HECW1: variants seen among roughly 807,000 people sequenced by gnomAD.
HECW1 encodes the protein HECT, C2 and WW domain containing E3 ubiquitin protein ligase 1, also known as E3 ubiquitin-protein ligase HECW1.
A neutral mutation model predicts 182.3 loss-of-function variants in HECW1; 61 were observed. The observed-to-expected ratio is 0.33, with a 90% CI of 0.27 to 0.41. The LOEUF is 0.41. Ranked by LOEUF, HECW1 falls within the 10% of genes least tolerant of loss-of-function variation. The pLI, the probability that HECW1 is intolerant of heterozygous loss-of-function variation, is 1.00. For synonymous variants in HECW1, 859 were observed against 832.6 expected (o/e 1.03, Z -0.55); for missense variants, 1,739 against 2,108.9 (o/e 0.82, Z 3.44).
intron 2 of HECW1, among the ~76,000 whole-genome samples, chr7:43,172,726 A>G (rs1419295446): frequency 1.3e-5 from 2 of 152,224 alleles, no homozygotes; most frequent in Non-Finnish European, 2.9e-5. Flanking sequence ...CAAATGTGAC[A>G]ATTAGAAGTC....
intron 2 of HECW1, among the ~76,000 whole-genome samples, chr7:43,143,248 G>A (rs1338733935): frequency 6.6e-6 from 1 of 152,162 alleles, no homozygotes; most frequent in African/African-American, 2.4e-5. Flanking sequence ...TGAGATTACA[G>A]GGGTGAGCCA....
At chr7:43,343,874 C>G (rs1310157177) in intron 5 of HECW1, among the ~76,000 whole-genome samples, 2 of 151,866 alleles carry the variant, frequency 1.3e-5, no homozygotes, top group African/African-American at 4.9e-5. Context: ...CTCCCACCAA[C>G]AGTGTAAAAG....
At chr7:43,262,999 A>G (rs1428027213) in intron 3 of HECW1, among the ~76,000 whole-genome samples, 1 of 152,236 alleles carries the variant, frequency 6.6e-6, no homozygotes, top group African/African-American at 2.4e-5. Context: ...TGTAATAGTT[A>G]TATTTAAAAG....
intron 8 of HECW1, among the ~76,000 whole-genome samples, chr7:43,421,543 A>G (rs2076183770): frequency 6.6e-6 from 1 of 152,226 alleles, no homozygotes; most frequent in Non-Finnish European, 1.5e-5. Context: ...GTGACAGCTA[A>G]TATCTAGACT....
At position 43,564,465 on chromosome 7, in the gene HECW1, T is replaced by C. The variant is rs570115644; in HGVS notation, c.*2539T>C. 7 of 186,994 alleles carry C rather than the reference T, an allele frequency of 3.7e-5. No individual in the cohort carries two copies. The South Asian group carries it at 1.2e-3, about 31-fold the overall frequency. The allele number at this position is 186,994 out of a possible 1,614,324, so 11.6% of individuals were successfully genotyped here. A position where few individuals can be genotyped will look rare whatever the true frequency, so the allele number is the denominator to read the frequency against. ...AGAAATTATATATAGATAGGTAACT[T>C]TGGCATACATGATTTTTCAACTACC... is the stretch of plus-strand genomic sequence containing the variant. On this transcript the variant is annotated 3_prime_UTR_variant, in exon 30 of 30. Coordinates refer to ENST00000395891, the MANE Select transcript of HECW1 (RefSeq NM_015052.5).
Position 43,243,380 on chromosome 7 carries a change from C to T in HECW1, c.-31-495C>T, listed in dbSNP as rs1799066078. On this transcript the variant is annotated intron_variant, in intron 2 of 29. Transcript: ENST00000395891. The surrounding 1 kb of genome is among the most constrained non-coding windows in gnomAD (Gnocchi z 4.0). The stretch of plus-strand genomic sequence containing the variant: ...TGGAAGGGGATGGCACTTCTTGAGT[C>T]TTTCCCATCTGAGTAAATGCCTGAG... 6.6e-6 allele frequency among the ~76,000 whole-genome samples: 1 copy of T among 152,178 alleles called. No homozygotes were observed. The highest frequency in any genetic ancestry group is 1.5e-5 in the Non-Finnish European group (1 of 68,030).
At chr7:43,233,850 A>T (rs544194450) in intron 2 of HECW1, among the ~76,000 whole-genome samples, 1 of 152,228 alleles carries the variant, frequency 6.6e-6, no homozygotes, top group South Asian at 2.1e-4. Context: ...GGAAGTAGGT[A>T]TAGCAACACA....
intron 3 of HECW1, among the ~76,000 whole-genome samples, chr7:43,257,673 G>A (rs1157468638): frequency 1.3e-5 from 2 of 152,172 alleles, no homozygotes; most frequent in African/African-American, 2.4e-5. Context: ...AAAGCAGTGT[G>A]TTGAGGTGAC....
chr7:43,155,205 T>C (rs1033569902), intron 2 of HECW1, among the ~76,000 whole-genome samples: 1 of 152,266 alleles, frequency 6.6e-6, no homozygotes, highest in African/African-American at 2.4e-5. Flanking sequence ...TTGGAAATTA[T>C]GAAATTGTAC....
At chr7:43,385,158 C>T (rs1448208254) in intron 6 of HECW1, among the ~76,000 whole-genome samples, 1 of 148,730 alleles carries the variant, frequency 6.7e-6, no homozygotes, top group African/African-American at 2.5e-5. Flanking sequence ...CAATCGGTCA[C>T]CAAGTTCTAT....
At chr7:43,406,124 T>C (rs1342600281) in intron 7 of HECW1, among the ~76,000 whole-genome samples, 1 of 152,218 alleles carries the variant, frequency 6.6e-6, no homozygotes, top group Non-Finnish European at 1.5e-5. Context: ...GGGCTGCCTT[T>C]CATTGTCTTG....
intron 2 of HECW1, among the ~76,000 whole-genome samples, chr7:43,191,118 G>C (rs987034768): frequency 6.6e-6 from 1 of 152,042 alleles, no homozygotes; most frequent in Non-Finnish European, 1.5e-5. Flanking sequence ...AAACTGCGGA[G>C]TAGATTAACA....
intron 6 of HECW1, among the ~76,000 whole-genome samples, chr7:43,362,217 A>G (rs557759261): frequency 6.6e-6 from 1 of 152,210 alleles, no homozygotes; most frequent in South Asian, 2.1e-4. Context: ...ACTCCAAAAA[A>G]TATTCCATTT....
At position 43,311,743 on chromosome 7, in the gene HECW1, C is replaced by T; in HGVS notation, c.28-20C>T. ...TGCCGGCGTGCCCTGACCCTGCTCA[C>T]TGTCTCTTTGCTCCCACAGAATCTG... is the stretch of plus-strand genomic sequence containing the variant. On this transcript the variant is annotated intron_variant, in intron 3 of 29. Coordinates refer to ENST00000395891, the MANE Select transcript of HECW1 (RefSeq NM_015052.5). 1 of 1,612,742 alleles carries T rather than the reference C, an allele frequency of 6.2e-7. No individual in the cohort carries two copies. The highest frequency in any genetic ancestry group is 8.5e-7 in the Non-Finnish European group (1 of 1,179,008).
intron 5 of HECW1, among the ~76,000 whole-genome samples, chr7:43,338,187 G>T (rs986525128): frequency 2.6e-4 from 39 of 152,114 alleles, no homozygotes; most frequent in African/African-American, 9.4e-4. Flanking sequence ...TCTTGTCGTT[G>T]GCCTGGGAGA....
At chr7:43,211,299 T>C (rs1430799352) in intron 2 of HECW1, among the ~76,000 whole-genome samples, 1 of 152,190 alleles carries the variant, frequency 6.6e-6, no homozygotes, top group Non-Finnish European at 1.5e-5. Context: ...TTTATGTAAA[T>C]AAAACTGCTT....
intron 16 of HECW1, among the ~76,000 whole-genome samples, chr7:43,471,044 A>G (rs1010583567): frequency 6.6e-6 from 1 of 152,258 alleles, no homozygotes; most frequent in Non-Finnish European, 1.5e-5. Context: ...TCATGATTTT[A>G]CAACCAGATA....
In HECW1 at chr7:43,210,099, G is replaced by A. The variant is rs1015902200; in HGVS notation, c.-31-33776G>A. Reference sequence around the variant, plus strand: ...GGACTGGCAGTTTCCTGGCCTGAGCGGACCCAGCCGTATGTGGGGTGTGAG... The same window carrying A: ...GGACTGGCAGTTTCCTGGCCTGAGCAGACCCAGCCGTATGTGGGGTGTGAG... On this transcript the variant is annotated intron_variant, in intron 2 of 29. Transcript: ENST00000395891. Among the ~76,000 whole-genome samples the A allele has an allele frequency of 5.3e-5, 8 of 152,222 alleles. No individual in the cohort carries two copies. The East Asian group carries it at 7.7e-4, about 15-fold the overall frequency.
At chr7:43,465,830 G>A (rs756894158) in intron 14 of HECW1, among the ~76,000 whole-genome samples, 1 of 151,542 alleles carries the variant, frequency 6.6e-6, no homozygotes, top group Non-Finnish European at 1.5e-5. Context: ...GGAATTAAAG[G>A]CTGCGGTGAG....
Sources: allele counts gnomAD v4.1 joint callset (sites outside exome capture counted in the v4.1 genomes callset), GRCh38; gene constraint gnomAD v4.1.1; non-coding constraint Gnocchi (gnomAD v3.1); transcripts MANE v1.5; gene names NCBI Gene and HGNC (gene_info 2026-07-23, HGNC 2026-07-21).